UBR3: variants seen among roughly 807,000 people sequenced by gnomAD.
UBR3 encodes E3 ubiquitin-protein ligase UBR3.
UBR3 carries 85 observed loss-of-function variants against 243.2 expected under a neutral mutation model. That is an observed-to-expected ratio of 0.35 (90% CI 0.29 to 0.42). UBR3 has a LOEUF of 0.42. Among genes scored for constraint, UBR3 ranks in the 10% least tolerant of loss-of-function variants. The probability of loss-of-function intolerance (pLI) is 1.00; values close to 1 mark genes in which losing one functional copy is unlikely to be tolerated. For missense variants in UBR3, 1,686 were observed against 2,300.8 expected (o/e 0.73, Z 5.47); for synonymous variants, 748 against 799.8 (o/e 0.94, Z 1.09).
chr2:170,080,170 G>A, intron 37 of UBR3, 147 bp downstream of exon 37: 1 of 791,034 alleles, frequency 1.3e-6, no homozygotes, highest in Admixed American at 3.3e-5. Flanking sequence ...TCCAGTAGAA[G>A]AGTAAAAAAA....
At chr2:170,008,727 A>C (rs2089995978) in intron 28 of UBR3, 77 bp from the exon 29 acceptor site, 1 of 722,978 alleles carries the variant, frequency 1.4e-6, no homozygotes, top group Non-Finnish European at 2.2e-6. Context: ...ATGTTCATAT[A>C]ATAAACATTC....
chr2:169,836,921 G>T (rs772046230), intron 1 of UBR3, among the ~76,000 whole-genome samples: 2 of 152,014 alleles, frequency 1.3e-5, no homozygotes, highest in Non-Finnish European at 2.9e-5. Flanking sequence ...CTTCTAGTTT[G>T]TGTCTTGTCT....
intron 1 of UBR3, among the ~76,000 whole-genome samples, chr2:169,843,312 TCTG>T (rs1322934126): frequency 6.6e-6 from 1 of 152,226 alleles, no homozygotes; most frequent in Admixed American, 6.5e-5. Context: ...GTGAGGGCCT[TCTG>T]CTGCATCTTC....
intron 23 of UBR3, among the ~76,000 whole-genome samples, chr2:169,953,548 T>C (rs934847831): frequency 3.9e-5 from 6 of 152,252 alleles, no homozygotes; most frequent in Non-Finnish European, 8.8e-5. Context: ...CCAGAACTTG[T>C]ATATGTTCTT....
chr2:169,950,123 TC>T (rs2086954625), intron 23 of UBR3, 58 bp downstream of exon 23: 2 of 1,457,320 alleles, frequency 1.4e-6, no homozygotes, highest in African/African-American at 2.8e-5. Flanking sequence ...GATATTTTCT[TC>T]CTTTTGGTCA....
intron 30 of UBR3, among the ~76,000 whole-genome samples, chr2:170,019,537 T>C (rs1401062257): frequency 6.6e-6 from 1 of 151,814 alleles, no homozygotes; most frequent in Non-Finnish European, 1.5e-5. Context: ...AAAATAAAAT[T>C]AGCTGGGTGT....
Position 169,836,153 on chromosome 2 carries a change from G to A in UBR3, c.545+8101G>A, listed in dbSNP as rs183900151. 4.4e-5 allele frequency among the ~76,000 whole-genome samples: 6 copies of A among 136,988 alleles called. No homozygotes were observed. The East Asian group carries it at 1.2e-3, about 27-fold the overall frequency. 89.9% of individuals were successfully genotyped at this position (136,988 alleles called of 152,430 possible). ...GGCTGGAGTGCAATGGTGCGATCTC[G>A]GCTCACTGCAACCTCCGCCTCCTGA... On this transcript the variant is annotated intron_variant, in intron 1 of 38. Coordinates refer to ENST00000272793, the MANE Select transcript of UBR3 (RefSeq NM_172070.4).
chr2:169,989,777 G>A (rs980534276), intron 25 of UBR3, among the ~76,000 whole-genome samples: 2 of 152,118 alleles, frequency 1.3e-5, no homozygotes. Context: ...GGTATCATTA[G>A]TGAACTGTTT....
chr2:169,932,966 A>G lies in UBR3; in HGVS notation c.2621A>G (p.Tyr874Cys). The G allele has an allele frequency of 1.3e-6, 2 of 1,539,430 alleles. No individual in the cohort carries two copies. The highest frequency in any genetic ancestry group is 1.7e-6 in the Non-Finnish European group (2 of 1,144,056). Residue 874 changes from tyrosine to cysteine, a missense_variant, in exon 19 of 39, where the codon TAC (tyrosine) becomes TGC (cysteine). Physicochemically the swap from Tyr to Cys is radical, Grantham distance 194 (BLOSUM62 -2). This residue lies in a region of UBR3 where 346 missense variants were observed against 585.8 expected (regional missense o/e 0.59). Coordinates refer to ENST00000272793, the MANE Select transcript of UBR3 (RefSeq NM_172070.4). Reference sequence around the variant, plus strand: ...GTCATGGTCATTCTTCGAACAGTTTACCGTAGAGATGTGCAGTCTGCAATG... The same window carrying G: ...GTCATGGTCATTCTTCGAACAGTTTGCCGTAGAGATGTGCAGTCTGCAATG... ...DPVMVILRTV[Y>C]RRDVQSAMDR...
intron 17 of UBR3, 72 bp from the exon 18 acceptor site, chr2:169,928,655 A>G: frequency 7.9e-7 from 1 of 1,261,574 alleles, no homozygotes; most frequent in South Asian, 2.2e-5. Flanking sequence ...AAAATGAGAA[A>G]CTAGAGTACC....
At chr2:169,935,017 G>C (rs2086271532) in intron 19 of UBR3, among the ~76,000 whole-genome samples, 1 of 152,106 alleles carries the variant, frequency 6.6e-6, no homozygotes, top group Non-Finnish European at 1.5e-5. Flanking sequence ...ATACCCCTGA[G>C]TGGGCATTCA....
intron 36 of UBR3, chr2:170,078,199 A>C: frequency 1.9e-6 from 1 of 527,786 alleles, no homozygotes; most frequent in South Asian, 1.7e-5. Flanking sequence ...AATGTTCATA[A>C]GCCTCTCAAC....
At chr2:169,896,426 G>A (rs1018919995) in intron 7 of UBR3, 81 bp from the exon 8 acceptor site, 11 of 897,542 alleles carry the variant, frequency 1.2e-5, no homozygotes, top group East Asian at 2.8e-5. Flanking sequence ...GCTGTAAAAT[G>A]TTAACATGAT....
chr2:170,053,886 C>T (rs1347710254), intron 32 of UBR3, among the ~76,000 whole-genome samples: 2 of 152,136 alleles, frequency 1.3e-5, no homozygotes, highest in African/African-American at 4.8e-5. Flanking sequence ...GATTCAAGTT[C>T]AGACCTGGGT....
chr2:169,969,722 T>A (rs1023835099), intron 24 of UBR3, among the ~76,000 whole-genome samples: 2 of 151,820 alleles, frequency 1.3e-5, no homozygotes, highest in Non-Finnish European at 2.9e-5. Context: ...CTAATTTTTT[T>A]ATATTTTTAG....
At chr2:169,973,340 C>T (rs534975999) in intron 24 of UBR3, among the ~76,000 whole-genome samples, 21 of 143,660 alleles carry the variant, frequency 1.5e-4, no homozygotes, top group Non-Finnish European at 2.6e-4. Flanking sequence ...GCCATACTGC[C>T]CAAGGCAATT....
intron 36 of UBR3, chr2:170,078,037 T>TA (rs2091846744): frequency 1.5e-6 from 1 of 686,840 alleles, no homozygotes; most frequent in Non-Finnish European, 2.7e-6. Context: ...GTCCAGCAGA[T>TA]AGGCAGGTAC....
In UBR3 at chr2:169,942,546, G is replaced by A; in HGVS notation, c.2717G>A (p.Arg906Lys). ...PGNPWPPYKK[R>K]TSLHPSYKGL... ...AATCCCTGGCCTCCATATAAGAAAAGGACATCACTCCATCCTAGCTATAAA... is the reference window on the plus strand; with the variant it reads ...AATCCCTGGCCTCCATATAAGAAAAAGACATCACTCCATCCTAGCTATAAA... Residue 906 changes from arginine to lysine, a missense_variant, in exon 20 of 39, where the codon AGG becomes AAG. Arg to Lys is a conservative substitution (Grantham distance 26). This residue lies in a region of UBR3 where 346 missense variants were observed against 585.8 expected (regional missense o/e 0.59). Transcript: ENST00000272793. 6.5e-7 allele frequency: 1 copy of A among 1,550,296 alleles called. No individual in the cohort carries two copies. Among genetic ancestry groups the A allele is most frequent in the Non-Finnish European group, 8.7e-7 (1 of 1,146,632 alleles).
intron 1 of UBR3, among the ~76,000 whole-genome samples, chr2:169,862,728 A>T (rs1392738893): frequency 1.3e-5 from 2 of 152,152 alleles, no homozygotes; most frequent in African/African-American, 4.8e-5. Flanking sequence ...ATATATGTTT[A>T]TGGTATGCCT....
Sources: allele counts gnomAD v4.1 joint callset (sites outside exome capture counted in the v4.1 genomes callset), GRCh38; gene constraint gnomAD v4.1.1; regional missense constraint gnomAD v4.1.1; transcripts MANE v1.5; gene names NCBI Gene and HGNC (gene_info 2026-07-23, HGNC 2026-07-21).